Variants in ACBD5 observed in about 807,000 individuals in gnomAD.
The protein encoded by ACBD5 is acyl-CoA binding domain containing 5.
In ACBD5, 40 loss-of-function variants were observed where a neutral mutation model predicts 71.8. The observed-to-expected ratio is 0.56, with a 90% CI of 0.43 to 0.72. ACBD5 has a LOEUF of 0.72. Ranked by LOEUF, ACBD5 falls within the 30% of genes least tolerant of loss-of-function variation. The probability of loss-of-function intolerance (pLI) is 0.00; values close to 1 mark genes in which losing one functional copy is unlikely to be tolerated. For synonymous variants in ACBD5, 229 were observed against 218.6 expected (o/e 1.05, Z -0.42); for missense variants, 559 against 644.5 (o/e 0.87, Z 1.44).
intron 8 of ACBD5, among the ~76,000 whole-genome samples, chr10:27,214,083 A>G (rs1320782561): frequency 6.6e-6 from 1 of 152,232 alleles, no homozygotes; most frequent in African/African-American, 2.4e-5. Flanking sequence ...AAAACTTCAA[A>G]TGGTCTCACT....
intron 4 of ACBD5, among the ~76,000 whole-genome samples, chr10:27,230,098 T>A (rs1272255763): frequency 1.4e-5 from 2 of 144,024 alleles, no homozygotes; most frequent in South Asian, 2.2e-4. Flanking sequence ...AAATTTAAGG[T>A]AAAAAAAAAA....
intron 12 of ACBD5, among the ~76,000 whole-genome samples, chr10:27,201,822 A>G (rs753525452): frequency 3.9e-5 from 6 of 152,156 alleles, no homozygotes; most frequent in Non-Finnish European, 7.4e-5. Flanking sequence ...CCCTATATCT[A>G]TCTATCAGAC....
chr10:27,234,492 A>AC (rs2064358069), intron 3 of ACBD5, among the ~76,000 whole-genome samples: 1 of 4,590 alleles, frequency 2.2e-4, no homozygotes, highest in Non-Finnish European at 2.2e-3. Flanking sequence ...CTCTTGCCTT[A>AC]AAAAAAAAAA....
At chr10:27,193,414 A>T (rs1017060260), downstream of ACBD5, 3 of 152,062 alleles carry the variant, frequency 2.0e-5, no homozygotes, top group Non-Finnish European at 4.4e-5. Flanking sequence ...CAACAGAGCG[A>T]GACTCTGTCT....
intron 7 of ACBD5, among the ~76,000 whole-genome samples, chr10:27,217,728 C>T (rs1359945486): frequency 6.6e-6 from 1 of 151,898 alleles, no homozygotes; most frequent in Non-Finnish European, 1.5e-5. Context: ...GGCAGAATTG[C>T]CCAGGAGTTC....
intron 4 of ACBD5, among the ~76,000 whole-genome samples, chr10:27,231,021 A>T (rs17531317): frequency 0.77 from 117,152 of 151,256 alleles, 45,605 homozygotes; most frequent in African/African-American, 0.86. Flanking sequence ...AGTCCAGGGA[A>T]AAGAATACCT....
chr10:27,190,537 T>C (rs2059036154), downstream of ACBD5, among the ~76,000 whole-genome samples: 1 of 152,242 alleles, frequency 6.6e-6, no homozygotes, highest in Non-Finnish European at 1.5e-5. Context: ...CTTACTATTA[T>C]GCTCCAAAAC....
intron 2 of ACBD5, among the ~76,000 whole-genome samples, chr10:27,239,964 T>C (rs1022320283): frequency 6.6e-6 from 1 of 152,178 alleles, no homozygotes; most frequent in Non-Finnish European, 1.5e-5. Context: ...GTCAGGCTGG[T>C]CTTGAACTCC....
At chr10:27,232,951 C>G (rs1342405494) in intron 3 of ACBD5, among the ~76,000 whole-genome samples, 1 of 152,000 alleles carries the variant, frequency 6.6e-6, no homozygotes, top group Non-Finnish European at 1.5e-5. Flanking sequence ...TTTAATACTA[C>G]TAAAATTAAG....
chr10:27,198,882 G>A (rs995836352), intron 12 of ACBD5, among the ~76,000 whole-genome samples: 4 of 152,060 alleles, frequency 2.6e-5, no homozygotes, highest in Non-Finnish European at 4.4e-5. Flanking sequence ...AGGCCGAGGC[G>A]GGCGGATCAC....
At chr10:27,239,001 C>CA (rs1414100337) in intron 2 of ACBD5, among the ~76,000 whole-genome samples, 1 of 152,144 alleles carries the variant, frequency 6.6e-6, no homozygotes, top group Non-Finnish European at 1.5e-5. Context: ...AGTTCAATAC[C>CA]AGCCTGACCA....
chr10:27,216,259 G>A (rs1172174836), intron 7 of ACBD5, among the ~76,000 whole-genome samples: 1 of 151,994 alleles, frequency 6.6e-6, no homozygotes, highest in Non-Finnish European at 1.5e-5. Flanking sequence ...TCCTGCCTCA[G>A]TCTCCAAGTA....
chr10:27,222,049 T>G (rs2062418456), intron 5 of ACBD5, among the ~76,000 whole-genome samples: 1 of 152,122 alleles, frequency 6.6e-6, no homozygotes, highest in Non-Finnish European at 1.5e-5. Context: ...TAGAATGATG[T>G]GGTAGAGTTA....
chr10:27,217,306 A>G (rs371600192), intron 7 of ACBD5, among the ~76,000 whole-genome samples: 2 of 151,094 alleles, frequency 1.3e-5, no homozygotes, highest in Non-Finnish European at 2.9e-5. Flanking sequence ...AAATACAAAA[A>G]TTAGCTGGGC....
intron 4 of ACBD5, among the ~76,000 whole-genome samples, chr10:27,230,796 C>CA (rs10625879): frequency 0.029 from 3,238 of 111,982 alleles, 238 homozygotes; most frequent in East Asian, 0.12. Context: ...GACTCCATCT[C>CA]AAAAAAAAAA....
intron 8 of ACBD5, among the ~76,000 whole-genome samples, chr10:27,213,406 G>A (rs566911330): frequency 3.9e-5 from 6 of 152,244 alleles, no homozygotes; most frequent in South Asian, 4.1e-4. Context: ...GTACATTGTC[G>A]GTGAGAATGT....
At chr10:27,234,518 C>T (rs559839) in intron 3 of ACBD5, among the ~76,000 whole-genome samples, 26,194 of 146,888 alleles carry the variant, frequency 0.18, 2,865 homozygotes, top group East Asian at 0.32. Context: ...AAAGGGAAAA[C>T]TCCATGAAAG....
At chr10:27,224,509 A>G (rs2062764887) in intron 4 of ACBD5, among the ~76,000 whole-genome samples, 1 of 152,232 alleles carries the variant, frequency 6.6e-6, no homozygotes, top group African/African-American at 2.4e-5. Context: ...ACAGGGCACA[A>G]AAGTAAAGTA....
chr10:27,220,725 A>T (rs1161536534), intron 5 of ACBD5, among the ~76,000 whole-genome samples: 3 of 152,218 alleles, frequency 2.0e-5, no homozygotes, highest in Non-Finnish European at 4.4e-5. Flanking sequence ...GTGAGGGATC[A>T]AGATTAGCCA....
Sources: gnomAD v4.1 joint callset for allele counts (sites outside exome capture counted in the v4.1 genomes callset) on GRCh38, gnomAD v4.1.1 for gene constraint, MANE v1.5 for transcripts, NCBI Gene and HGNC (gene_info 2026-07-23, HGNC 2026-07-21) for gene names.